DLGAP2: variants seen among roughly 807,000 people sequenced by gnomAD.
DLGAP2 encodes the protein DLG associated protein 2.
DLGAP2 carries 26 observed loss-of-function variants against 100.3 expected under a neutral mutation model. That is an observed-to-expected ratio of 0.26 (90% CI 0.19 to 0.36). The LOEUF (loss-of-function observed/expected upper bound fraction) is 0.36. Among genes scored for constraint, DLGAP2 ranks in the 10% least tolerant of loss-of-function variants. The pLI, the probability that DLGAP2 is intolerant of heterozygous loss-of-function variation, is 1.00. For missense variants in DLGAP2, 1,858 were observed against 1,453.2 expected (o/e 1.28, Z -4.53); for synonymous variants, 886 against 630.1 (o/e 1.41, Z -6.08).
chr8:888,187 A>G (rs1409033917), intron 1 of DLGAP2, among the ~76,000 whole-genome samples: 1 of 152,166 alleles, frequency 6.6e-6, no homozygotes, highest in Non-Finnish European at 1.5e-5. Flanking sequence ...AGCTATTGAT[A>G]CTTGTGTATG....
At chr8:1,669,006 A>G (rs1798620614) in intron 9 of DLGAP2, among the ~76,000 whole-genome samples, 1 of 152,182 alleles carries the variant, frequency 6.6e-6, no homozygotes, top group Admixed American at 6.5e-5. Flanking sequence ...GTATGGAGAT[A>G]ACACTGTTTT....
intron 3 of DLGAP2, among the ~76,000 whole-genome samples, chr8:1,320,340 G>C (rs1435473647): frequency 6.6e-6 from 1 of 152,100 alleles, no homozygotes; most frequent in Non-Finnish European, 1.5e-5. Context: ...AAGAGGCCAG[G>C]ACTCGAGGGA....
intron 2 of DLGAP2, among the ~76,000 whole-genome samples, chr8:1,229,180 C>G (rs543251144): frequency 1.2e-4 from 18 of 151,570 alleles, no homozygotes; most frequent in East Asian, 5.8e-4. Flanking sequence ...ACTCTGAAAA[C>G]TATAAAATAT....
intron 2 of DLGAP2, among the ~76,000 whole-genome samples, chr8:916,060 G>A (rs749654583): frequency 1.0e-4 from 15 of 150,252 alleles, no homozygotes; most frequent in Non-Finnish European, 1.8e-4. Context: ...TTTTCTGTCT[G>A]TCCGTCAGTT....
At chr8:1,037,842 T>C (rs1474329887) in intron 2 of DLGAP2, among the ~76,000 whole-genome samples, 1 of 152,188 alleles carries the variant, frequency 6.6e-6, no homozygotes, top group Non-Finnish European at 1.5e-5. Flanking sequence ...TGGGAAAGCT[T>C]ATCAAAGCTC....
chr8:1,279,774 C>A (rs1799778751), intron 3 of DLGAP2, among the ~76,000 whole-genome samples: 1 of 152,166 alleles, frequency 6.6e-6, no homozygotes, highest in African/African-American at 2.4e-5. Flanking sequence ...AGCAACAGAG[C>A]CAGAGCAAGT....
intron 2 of DLGAP2, among the ~76,000 whole-genome samples, chr8:1,018,288 C>T (rs959363562): frequency 6.6e-6 from 1 of 152,154 alleles, no homozygotes; most frequent in African/African-American, 2.4e-5. Context: ...ACATTGATTC[C>T]GGCTGATGTT....
chr8:900,963 T>C (rs996042589), intron 1 of DLGAP2, among the ~76,000 whole-genome samples: 1 of 152,214 alleles, frequency 6.6e-6, no homozygotes. Context: ...TATGAGTTTT[T>C]ATTGTCAAAA....
chr8:878,896 A>G (rs1797732691), intron 1 of DLGAP2, among the ~76,000 whole-genome samples: 1 of 152,038 alleles, frequency 6.6e-6, no homozygotes, highest in Non-Finnish European at 1.5e-5. Flanking sequence ...TGAATTAAAT[A>G]CCTCTTCTCT....
intron 3 of DLGAP2, among the ~76,000 whole-genome samples, chr8:1,386,076 T>C (rs1882798): frequency 0.62 from 94,028 of 152,110 alleles, 29,431 homozygotes; most frequent in East Asian, 0.94. Context: ...AAAATAAAAT[T>C]GAAAACAACA....
rs1021382957 is a variant in DLGAP2, at chr8:1,632,777, A to G, written c.1591-50A>G. 26 of 1,535,112 alleles carry G rather than the reference A, an allele frequency of 1.7e-5. No individual in the cohort carries two copies. The South Asian group carries it at 2.9e-4, about 17-fold the overall frequency. On this transcript the variant is annotated intron_variant, in intron 7 of 14. Coordinates refer to ENST00000637795, the MANE Select transcript of DLGAP2 (RefSeq NM_001346810.2). The stretch of plus-strand genomic sequence containing the variant: ...GCTCTCCTGGCTTTTCTGTAACGTG[A>G]TGGTGACCCTGGAGGGCCGGGGCAT...
intron 4 of DLGAP2, among the ~76,000 whole-genome samples, chr8:1,537,651 G>A (rs1801197497): frequency 6.6e-6 from 1 of 151,968 alleles, no homozygotes; most frequent in African/African-American, 2.4e-5. Context: ...TGTGGAGCCT[G>A]GAACTCGTGA....
intron 8 of DLGAP2, among the ~76,000 whole-genome samples, chr8:1,649,143 A>C (rs1354889471): frequency 1.3e-5 from 2 of 152,370 alleles, no homozygotes; most frequent in Non-Finnish European, 2.9e-5. Flanking sequence ...AACTGCCTTT[A>C]CCTAAAGCTT....
chr8:1,157,948 T>C (rs1796822467), intron 2 of DLGAP2, among the ~76,000 whole-genome samples: 1 of 152,244 alleles, frequency 6.6e-6, no homozygotes, highest in Non-Finnish European at 1.5e-5. Flanking sequence ...CTGTTCACTG[T>C]GCCTTCAAGA....
At chr8:1,036,107 CGCGA>C (rs1178242347) in intron 2 of DLGAP2, among the ~76,000 whole-genome samples, 2 of 145,338 alleles carry the variant, frequency 1.4e-5, no homozygotes, top group Admixed American at 6.8e-5. Flanking sequence ...CGCGTGTCAC[CGCGA>C]GTGGATTCAC....
chr8:986,860 A>G (rs543296820), intron 2 of DLGAP2, among the ~76,000 whole-genome samples: 5 of 152,166 alleles, frequency 3.3e-5, no homozygotes, highest in South Asian at 4.2e-4. Context: ...GGGTTTTGCC[A>G]TGTTGGCCAG....
At chr8:1,281,731 G>C (rs1232351657) in intron 3 of DLGAP2, among the ~76,000 whole-genome samples, 1 of 152,202 alleles carries the variant, frequency 6.6e-6, no homozygotes, top group Non-Finnish European at 1.5e-5. Flanking sequence ...AGATGTCCTA[G>C]CTCCTTGAAA....
intron 3 of DLGAP2, among the ~76,000 whole-genome samples, chr8:1,273,588 A>T (rs1037641636): frequency 6.6e-6 from 1 of 152,168 alleles, no homozygotes; most frequent in Non-Finnish European, 1.5e-5. Flanking sequence ...CGGCTTTATC[A>T]TGTGCAGAGG....
intron 3 of DLGAP2, among the ~76,000 whole-genome samples, chr8:1,488,388 G>C (rs1224230185): frequency 6.6e-6 from 1 of 152,172 alleles, no homozygotes; most frequent in Admixed American, 6.5e-5. Context: ...TCCAAGCTCA[G>C]ATTTTGATGC....
Sources: gnomAD v4.1 joint callset for allele counts (sites outside exome capture counted in the v4.1 genomes callset) on GRCh38, gnomAD v4.1.1 for gene constraint, MANE v1.5 for transcripts, NCBI Gene and HGNC (gene_info 2026-07-23, HGNC 2026-07-21) for gene names.